HMGCLL1: variants seen among roughly 807,000 people sequenced by gnomAD.
HMGCLL1 encodes the protein 3-hydroxy-3-methylglutaryl-CoA lyase like 1, also known as 3-hydroxymethyl-3-methylglutaryl-CoA lyase, cytoplasmic.
HMGCLL1 carries 36 observed loss-of-function variants against 39.1 expected under a neutral mutation model. That is an observed-to-expected ratio of 0.92 (90% CI 0.71 to 1.22). HMGCLL1 has a LOEUF of 1.22. Among genes scored for constraint, HMGCLL1 ranks in the 50% most tolerant of loss-of-function variants. The probability of loss-of-function intolerance (pLI) is 0.00; values close to 1 mark genes in which losing one functional copy is unlikely to be tolerated. For synonymous variants in HMGCLL1, 149 were observed against 144.0 expected, an observed-to-expected ratio of 1.03 and a Z score of -0.25; for missense variants, 451 against 416.5, an observed-to-expected ratio of 1.08 and a Z score of -0.72.
intron 7 of HMGCLL1, among the ~76,000 whole-genome samples, chr6:55,489,410 G>A (rs1554145240): frequency 1.3e-5 from 2 of 151,448 alleles, no homozygotes; most frequent in Non-Finnish European, 2.9e-5. Flanking sequence ...TTATGCCAAG[G>A]GAAGAATCAT....
the HMGCLL1 span, among the ~76,000 whole-genome samples, chr6:55,593,196 C>A: frequency 6.6e-6 from 1 of 152,100 alleles, no homozygotes; most frequent in Non-Finnish European, 1.5e-5. Flanking sequence ...CCTGGGATCA[C>A]ATCCTGACAG....
At chr6:55,471,098 T>C in intron 7 of HMGCLL1, among the ~76,000 whole-genome samples, 1 of 151,806 alleles carries the variant, frequency 6.6e-6, no homozygotes, top group Admixed American at 6.6e-5. Flanking sequence ...ATTCTGCATA[T>C]CATTCTCCTG....
chr6:55,519,328 A>C (rs1484859067), intron 3 of HMGCLL1, among the ~76,000 whole-genome samples: 1 of 152,112 alleles, frequency 6.6e-6, no homozygotes, highest in Non-Finnish European at 1.5e-5. Context: ...GGTACTGGGA[A>C]TAGAACTAAA....
intron 1 of HMGCLL1, among the ~76,000 whole-genome samples, chr6:55,555,243 GTTGGACTGTTCTTCCCC>G (rs1298540055): frequency 6.6e-6 from 1 of 152,072 alleles, no homozygotes; most frequent in Non-Finnish European, 1.5e-5. Context: ...ATTTGCCCCT[GTTGGACTGTTCTTCCCC>G]TATATATATC....
the HMGCLL1 span, among the ~76,000 whole-genome samples, chr6:55,663,140 CATT>C: frequency 1.3e-5 from 2 of 151,252 alleles, no homozygotes; most frequent in African/African-American, 4.8e-5. Context: ...CTCCTGAACT[CATT>C]AATCATTTTA....
chr6:55,654,569 G>C, the HMGCLL1 span, among the ~76,000 whole-genome samples: 2 of 151,878 alleles, frequency 1.3e-5, no homozygotes, highest in Admixed American at 1.3e-4. Flanking sequence ...CCATCTCCTA[G>C]GTGATTTCAA....
At chr6:55,673,193 T>C in the HMGCLL1 span, among the ~76,000 whole-genome samples, 3 of 151,980 alleles carry the variant, frequency 2.0e-5, no homozygotes, top group Non-Finnish European at 4.4e-5. Context: ...TGTCTCCTCA[T>C]AGCTCCTGTA....
chr6:55,514,290 A>G (rs1767622101), intron 4 of HMGCLL1, 94 bp from the exon 5 acceptor site: 1 of 862,114 alleles, frequency 1.2e-6, no homozygotes, highest in African/African-American at 1.7e-5. Context: ...GAAGGCATAC[A>G]TGTATTCTTT....
chr6:55,589,057 A>G, the HMGCLL1 span, among the ~76,000 whole-genome samples: 1 of 152,202 alleles, frequency 6.6e-6, no homozygotes, highest in African/African-American at 2.4e-5. Flanking sequence ...TCATTTTATG[A>G]GGCCAGCATC....
At chr6:55,645,337 C>G in the HMGCLL1 span, among the ~76,000 whole-genome samples, 363 of 151,886 alleles carry the variant, frequency 2.4e-3, no homozygotes, top group Non-Finnish European at 3.9e-3. Context: ...GAGAATACCA[C>G]CTGCAATTGA....
At chr6:55,532,810 A>C (rs1177571917) in intron 3 of HMGCLL1, among the ~76,000 whole-genome samples, 5 of 6,862 alleles carry the variant, frequency 7.3e-4, no homozygotes, top group Non-Finnish European at 1.9e-3. Flanking sequence ...CAAACATAAT[A>C]ATAATAATAA....
the HMGCLL1 span, among the ~76,000 whole-genome samples, chr6:55,595,106 T>C: frequency 6.6e-6 from 1 of 152,098 alleles, no homozygotes; most frequent in Admixed American, 6.5e-5. Context: ...CTCGAGAAAA[T>C]TGAAAATGAA....
chr6:55,531,311 A>G (rs1427254435), intron 3 of HMGCLL1, among the ~76,000 whole-genome samples: 1 of 152,190 alleles, frequency 6.6e-6, no homozygotes, highest in African/African-American at 2.4e-5. Context: ...CAGTAATGCA[A>G]AAAAGACCAC....
At chr6:55,451,668 T>G (rs1183115565) in intron 7 of HMGCLL1, among the ~76,000 whole-genome samples, 2 of 152,194 alleles carry the variant, frequency 1.3e-5, no homozygotes, top group African/African-American at 4.8e-5. Context: ...TTCCTGGAAT[T>G]TCACTAGGAG....
chr6:55,522,275 G>A (rs1046338290), intron 3 of HMGCLL1, among the ~76,000 whole-genome samples: 7 of 151,922 alleles, frequency 4.6e-5, no homozygotes, highest in Admixed American at 3.3e-4. Context: ...AAAAGTTATA[G>A]GGTGAAATTT....
At chr6:55,626,594 T>C in the HMGCLL1 span, among the ~76,000 whole-genome samples, 1 of 152,010 alleles carries the variant, frequency 6.6e-6, no homozygotes, top group Non-Finnish European at 1.5e-5. Flanking sequence ...GGTCCGGGAA[T>C]CAAGGGGTGG....
chr6:55,482,725 T>C (rs1261407591), intron 7 of HMGCLL1, among the ~76,000 whole-genome samples: 1 of 152,016 alleles, frequency 6.6e-6, no homozygotes, highest in Admixed American at 6.6e-5. Context: ...TACTGTGAGA[T>C]CAAAGTAAAA....
At chr6:55,439,008 G>A (rs1243868369) in intron 8 of HMGCLL1, among the ~76,000 whole-genome samples, 2 of 151,896 alleles carry the variant, frequency 1.3e-5, no homozygotes, top group African/African-American at 4.8e-5. Context: ...CATTTAAAAA[G>A]TGCCCTGGGA....
chr6:55,509,104 A>G (rs1431102164), intron 5 of HMGCLL1, among the ~76,000 whole-genome samples: 2 of 151,820 alleles, frequency 1.3e-5, no homozygotes. Flanking sequence ...AACAAACCAT[A>G]TGTATGAAAG....
Sources: allele counts gnomAD v4.1 joint callset (sites outside exome capture counted in the v4.1 genomes callset), GRCh38; gene constraint gnomAD v4.1.1; transcripts MANE v1.5; gene names NCBI Gene and HGNC (gene_info 2026-07-23, HGNC 2026-07-21).